Variants in CILP observed in about 807,000 individuals in gnomAD.
The protein encoded by CILP is cartilage intermediate layer protein.
In CILP, 75 loss-of-function variants were observed where a neutral mutation model predicts 82.5. The ratio of observed to expected loss-of-function variants is 0.91; its 90% CI spans 0.75 to 1.10. The LOEUF is 1.10. Among genes scored for constraint, CILP ranks in the 50% least tolerant of loss-of-function variants. The pLI, the probability that CILP is intolerant of heterozygous loss-of-function variation, is 0.00. For missense variants in CILP, 1,479 were observed against 1,530.8 expected, an observed-to-expected ratio of 0.97 and a Z score of 0.56; for synonymous variants, 530 against 580.3, an observed-to-expected ratio of 0.91 and a Z score of 1.25.
Position 65,198,092 on chromosome 15 carries a change from C to T in CILP, c.2194G>A (p.Gly732Ser). 6 of 1,614,224 alleles carry T rather than the reference C, an allele frequency of 3.7e-6. No individual in the cohort carries two copies. Among genetic ancestry groups the T allele is most frequent in the Non-Finnish European group, 5.1e-6 (6 of 1,180,032 alleles). Residue 732 changes from glycine (G) to serine (S), a missense_variant, in exon 9 of 9, where the codon GGC becomes AGC. By Grantham distance (56) the Gly-to-Ser change is moderately conservative. Transcript: ENST00000261883. ...CTCCTCTCACGAATCTCCAGGTTGC[C>T]CACCAGGAAGGTTCTGTCTTCTCTT... The part of the protein sequence containing the change: ...NKREDRTFLV[G>S]NLEIRERRLF...
In CILP at chr15:65,204,287, C is replaced by G; in HGVS notation, c.900G>C (p.Lys300Asn). 6.2e-7 allele frequency: 1 copy of G among 1,613,970 alleles called. No homozygotes were observed. Among genetic ancestry groups the G allele is most frequent in the Non-Finnish European group, 8.5e-7 (1 of 1,179,986 alleles). The change falls in exon 6 of 9, where the codon AAG (lysine) becomes AAC (asparagine). Residue 300 changes from lysine to asparagine, a missense_variant. By Grantham distance (94) the Lys-to-Asn change is moderately conservative. Coordinates refer to ENST00000261883, the MANE Select transcript of CILP (RefSeq NM_003613.4). ...PKTSLKAATI[K>N]AEFVRAETPY... ...AGTTACCTGCCCTCACAAACTCTGC[C>G]TTGATGGTGGCTGCCTTCAGGCTAG...
Position 65,198,573 on chromosome 15 carries a change from A to C in CILP, c.1713T>G (p.Leu571=). The C allele has an allele frequency of 6.2e-7, 1 of 1,614,200 alleles. No individual in the cohort carries two copies. Among genetic ancestry groups the C allele is most frequent in the Non-Finnish European group, 8.5e-7 (1 of 1,180,036 alleles). ...CCAAAGTGATGGGCTTTTTCCGACGAAGCATCTTGATTTCATGGAACACGG... is the reference window on the plus strand; with the variant it reads ...CCAAAGTGATGGGCTTTTTCCGACGCAGCATCTTGATTTCATGGAACACGG... ...GSAVFHEIKM[L]RRKKPITLEA... Residue 571 remains leucine, a synonymous_variant, in exon 9 of 9, where the codon CTT becomes CTG. Transcript: ENST00000261883.
In CILP at chr15:65,204,489, G is replaced by A; in HGVS notation, c.698C>T (p.Pro233Leu). The A allele has an allele frequency of 6.2e-7, 1 of 1,614,002 alleles. No individual in the cohort carries two copies. Among genetic ancestry groups the A allele is most frequent in the Non-Finnish European group, 8.5e-7 (1 of 1,179,976 alleles). Reference sequence around the variant, plus strand: ...AGCCCCTGAGGCTGGGGCACCTCCGGGAAGGGAGACAGCCCCATGAAGCAT... The same window carrying A: ...AGCCCCTGAGGCTGGGGCACCTCCGAGAAGGGAGACAGCCCCATGAAGCAT... ...DFMLHGAVSL[P>L]GGAPASGAAI... The change falls in exon 6 of 9, where the codon CCC (proline) becomes CTC (leucine). Residue 233 changes from proline (P) to leucine (L), a missense_variant. Pro to Leu is a moderately conservative substitution (Grantham distance 98). Coordinates refer to ENST00000261883, the MANE Select transcript of CILP (RefSeq NM_003613.4).
In CILP at chr15:65,197,938, C is replaced by A; in HGVS notation, c.2348G>T (p.Arg783Ile). The A allele has an allele frequency of 1.9e-6, 3 of 1,614,172 alleles. No individual in the cohort carries two copies. The highest frequency in any genetic ancestry group is 2.5e-6 in the Non-Finnish European group (3 of 1,180,024). Reference protein sequence around the residue: ...VVISVINLEPRTGFLSNPRAW... With the variant: ...VVISVINLEPITGFLSNPRAW... Reference sequence around the variant, plus strand: ...CCTAGGGTTGGACAAGAAGCCAGTTCTAGGCTCCAGGTTAATCACGGAGAT... The same window carrying A: ...CCTAGGGTTGGACAAGAAGCCAGTTATAGGCTCCAGGTTAATCACGGAGAT... The change falls in exon 9 of 9, where the codon AGA becomes ATA. Residue 783 changes from arginine to isoleucine, a missense_variant. Physicochemically the swap from Arg to Ile is moderately conservative, Grantham distance 97. Coordinates refer to ENST00000261883, the MANE Select transcript of CILP (RefSeq NM_003613.4).
Position 65,195,904 on chromosome 15 carries a change from G to GGGCGA in CILP, c.*822_*826dup, listed in dbSNP as rs2088355103. The GGGCGA allele has an allele frequency of 6.6e-6, 1 of 152,192 alleles. No individual in the cohort carries two copies. Among genetic ancestry groups the GGGCGA allele is most frequent in the Admixed American group, 6.5e-5 (1 of 15,284 alleles). The allele number at this position is 152,192 out of a possible 1,614,324, so 9.4% of individuals were successfully genotyped here. A position where few individuals can be genotyped will look rare whatever the true frequency, so the allele number is the denominator to read the frequency against. On this transcript the variant is annotated 3_prime_UTR_variant, in exon 9 of 9. Coordinates refer to ENST00000261883, the MANE Select transcript of CILP (RefSeq NM_003613.4). ...ATGTTGCCCTGCCCTGTAACTTAGG[G>GGGCGA]GGCGAGGACTTACACCACCTGTGAC...
rs770457575 is a variant in CILP, at chr15:65,197,415, C to A, written c.2871G>T (p.Lys957Asn). Reference sequence around the variant, plus strand: ...CTTCCAGTGGCCCCACAATCTTCACCTTGATATAGCAGGCCCTGAATTCCA... The same window carrying A: ...CTTCCAGTGGCCCCACAATCTTCACATTGATATAGCAGGCCCTGAATTCCA... ...KPMEFRACYIKVKIVGPLEVN... is the reference protein window; with the variant it reads ...KPMEFRACYINVKIVGPLEVN... The change falls in exon 9 of 9, where the codon AAG (lysine) becomes AAT (asparagine). Residue 957 changes from lysine to asparagine, a missense_variant. By Grantham distance (94) the Lys-to-Asn change is moderately conservative (BLOSUM62 0). Transcript: ENST00000261883. 6 of 1,614,250 alleles carry A rather than the reference C, an allele frequency of 3.7e-6. No individual in the cohort carries two copies. The South Asian group carries it at 5.5e-5, about 15-fold the overall frequency.
Position 65,198,980 on chromosome 15 carries a change from T to A in CILP, c.1306A>T (p.Thr436Ser). 1 of 1,613,250 alleles carries A rather than the reference T, an allele frequency of 6.2e-7. No individual in the cohort carries two copies. Among genetic ancestry groups the A allele is most frequent in the Non-Finnish European group, 8.5e-7 (1 of 1,180,002 alleles). The change falls in exon 9 of 9, where the codon ACT (threonine) becomes TCT (serine). Residue 436 changes from threonine (T) to serine (S), a missense_variant. Transcript: ENST00000261883. Reference sequence around the variant, plus strand: ...CCATTATCCTGCTGCCCTGCACAAGTCTTAACAGGGCAGCGTCCCACGTCA... The same window carrying A: ...CCATTATCCTGCTGCCCTGCACAAGACTTAACAGGGCAGCGTCCCACGTCA... Reference protein sequence around the residue: ...YYDVGRCPVKTCAGQQDNGIR... With the variant: ...YYDVGRCPVKSCAGQQDNGIR...
chr15:65,204,316 T>C lies in CILP; in HGVS notation c.871A>G (p.Lys291Glu). Residue 291 changes from lysine to glutamate, a missense_variant, in exon 6 of 9, where the codon AAG becomes GAG. Physicochemically the swap from Lys to Glu is moderately conservative, Grantham distance 56 (BLOSUM62 1). Transcript: ENST00000261883. ...KFAPIVLTMP[K>E]TSLKAATIKA... ...ATGGTGGCTGCCTTCAGGCTAGTCTTGGGCATTGTGAGTACAATGGGGGCA... is the reference window on the plus strand; with the variant it reads ...ATGGTGGCTGCCTTCAGGCTAGTCTCGGGCATTGTGAGTACAATGGGGGCA... The C allele has an allele frequency of 6.2e-7, 1 of 1,614,154 alleles. No homozygotes were observed. The highest frequency in any genetic ancestry group is 8.5e-7 in the Non-Finnish European group (1 of 1,180,022).
At chr15:65,201,136 G>C (rs1013255897) in intron 8 of CILP, among the ~76,000 whole-genome samples, 1 of 151,970 alleles carries the variant, frequency 6.6e-6, no homozygotes, top group Non-Finnish European at 1.5e-5. Context: ...TGAGTAGCTG[G>C]GATTACAGGC....
At chr15:65,202,134 C>G in intron 7 of CILP, 105 bp from the exon 8 acceptor site, 1 of 918,916 alleles carries the variant, frequency 1.1e-6, no homozygotes, top group Non-Finnish European at 1.6e-6. Flanking sequence ...TGAATGGGTT[C>G]CCACAAATGT....
chr15:65,201,262 A>G (rs2088447727), intron 8 of CILP, among the ~76,000 whole-genome samples: 1 of 151,650 alleles, frequency 6.6e-6, no homozygotes, highest in Non-Finnish European at 1.5e-5. Context: ...TTGGCCTCCC[A>G]AAGTGCTGGG....
intron 1 of CILP, among the ~76,000 whole-genome samples, chr15:65,210,497 A>C (rs2088573941): frequency 6.6e-6 from 1 of 152,210 alleles, no homozygotes; most frequent in Non-Finnish European, 1.5e-5. Flanking sequence ...AGGGCTCCCC[A>C]GTAACTGCTG....
rs1191774986 is a variant in CILP, at chr15:65,204,450, A to G, written c.737T>C (p.Leu246Pro). The G allele has an allele frequency of 6.2e-7, 1 of 1,614,136 alleles. No homozygotes were observed. Among genetic ancestry groups the G allele is most frequent in the Non-Finnish European group, 8.5e-7 (1 of 1,180,014 alleles). ...GGTCAGCAGCTTCGGCGTCTTGGTC[A>G]GGAGGTAGATAGCAGCCCCTGAGGC... Reference protein sequence around the residue: ...APASGAAIYLLTKTPKLLTQT... With the variant: ...APASGAAIYLPTKTPKLLTQT... Residue 246 changes from leucine (L) to proline (P), a missense_variant, in exon 6 of 9, where the codon CTG becomes CCG. By Grantham distance (98) the Leu-to-Pro change is moderately conservative. Coordinates refer to ENST00000261883, the MANE Select transcript of CILP (RefSeq NM_003613.4).
At chr15:65,205,752 A>G (rs1003664875) in intron 4 of CILP, among the ~76,000 whole-genome samples, 2 of 152,162 alleles carry the variant, frequency 1.3e-5, no homozygotes, top group Admixed American at 1.3e-4. Context: ...ATGTGCAGGG[A>G]TAGCACTGTC....
Position 65,199,034 on chromosome 15 carries a change from A to G in CILP, c.1252T>C (p.Phe418Leu), listed in dbSNP as rs752966202. Reference protein sequence around the residue: ...SYLIRLPHDCFQNATNSFYYD... With the variant: ...SYLIRLPHDCLQNATNSFYYD... ...TAGAAGGAGTTGGTGGCATTCTGAA[A>G]GCAATCATGGGGCAGCCGGATAAGA... Residue 418 changes from phenylalanine to leucine, a missense_variant, in exon 9 of 9, where the codon TTT (phenylalanine) becomes CTT (leucine). Coordinates refer to ENST00000261883, the MANE Select transcript of CILP (RefSeq NM_003613.4). 2 of 1,605,536 alleles carry G rather than the reference A, an allele frequency of 1.2e-6. No individual in the cohort carries two copies. Among genetic ancestry groups the G allele is most frequent in the Non-Finnish European group, 8.5e-7 (1 of 1,179,958 alleles).
Position 65,206,995 on chromosome 15 carries a change from A to C in CILP, c.211T>G (p.Tyr71Asp). Residue 71 changes from tyrosine to aspartate, a missense_variant, in exon 4 of 9, where the codon TAT (tyrosine) becomes GAT (aspartate). Coordinates refer to ENST00000261883, the MANE Select transcript of CILP (RefSeq NM_003613.4). ...AAGCGAATGGCGTCCAGCCGCTCAT[A>C]GTCGCCCTTCCCGCCTGGGTAGTCG... is the stretch of plus-strand genomic sequence containing the variant. ...NIDYPGGKGDYERLDAIRFYY... is the reference protein window; with the variant it reads ...NIDYPGGKGDDERLDAIRFYY... 1 of 1,614,008 alleles carries C rather than the reference A, an allele frequency of 6.2e-7. No individual in the cohort carries two copies. Among genetic ancestry groups the C allele is most frequent in the Non-Finnish European group, 8.5e-7 (1 of 1,180,014 alleles).
intron 1 of CILP, among the ~76,000 whole-genome samples, chr15:65,210,938 G>C (rs1026125124): frequency 1.3e-5 from 2 of 152,186 alleles, no homozygotes; most frequent in Non-Finnish European, 2.9e-5. Context: ...CAGTCTGCTG[G>C]CCTGCACTGC....
At chr15:65,204,123 G>A in intron 6 of CILP, 145 bp downstream of exon 6, 1 of 664,892 alleles carries the variant, frequency 1.5e-6, no homozygotes, top group Non-Finnish European at 2.5e-6. Flanking sequence ...GAAATGGAGG[G>A]CCAGATAATA....
intron 8 of CILP, among the ~76,000 whole-genome samples, chr15:65,200,217 T>C (rs976660163): frequency 1.3e-5 from 2 of 152,230 alleles, no homozygotes; most frequent in Admixed American, 1.3e-4. Context: ...CACATATACA[T>C]TTGGAAATTA....
Sources: gnomAD v4.1 joint callset for allele counts (sites outside exome capture counted in the v4.1 genomes callset) on GRCh38, gnomAD v4.1.1 for gene constraint, MANE v1.5 for transcripts, NCBI Gene and HGNC (gene_info 2026-07-23, HGNC 2026-07-21) for gene names.